ATG7: variants seen among roughly 807,000 people sequenced by gnomAD.
The protein encoded by ATG7 is ubiquitin-like modifier-activating enzyme ATG7.
In ATG7, 70 loss-of-function variants were observed where a neutral mutation model predicts 82.4. The observed-to-expected ratio is 0.85, with a 90% CI of 0.70 to 1.04. ATG7 has a LOEUF of 1.04. ATG7 is among the 50% of genes least tolerant of loss of function. ATG7 has a pLI of 0.00. For missense variants in ATG7, 792 were observed against 864.3 expected (o/e 0.92, Z 1.05); for synonymous variants, 287 against 313.0 (o/e 0.92, Z 0.88).
At chr3:11,312,510 A>C (rs1196007172) in intron 7 of ATG7, among the ~76,000 whole-genome samples, 2 of 152,174 alleles carry the variant, frequency 1.3e-5, no homozygotes, top group East Asian at 3.9e-4. Context: ...TCACCCATCC[A>C]GCTTACTACT....
At chr3:11,561,891 CTTTTTTTTTT>C (rs35380668), downstream of ATG7, among the ~76,000 whole-genome samples, 1 of 88,610 alleles carries the variant, frequency 1.1e-5, no homozygotes, top group South Asian at 5.0e-4. Flanking sequence ...CTGCGCCAAA[CTTTTTTTTTT>C]TTTTTTTTTT....
At chr3:11,502,725 T>C (rs1399188123) in intron 20 of ATG7, among the ~76,000 whole-genome samples, 1 of 152,156 alleles carries the variant, frequency 6.6e-6, no homozygotes, top group East Asian at 1.9e-4. Flanking sequence ...AAAGCCAGTA[T>C]TTCCCATAGA....
At chr3:11,571,671 A>T in the ATG7 span, among the ~76,000 whole-genome samples, 562 of 152,312 alleles carry the variant, frequency 3.7e-3, 5 homozygotes, top group Middle Eastern at 6.8e-3. Flanking sequence ...TGTCTCAGGA[A>T]ATAAAAATAA....
intron 20 of ATG7, 60 bp downstream of exon 20, chr3:11,426,986 C>G (rs531860609): frequency 1.0e-5 from 15 of 1,473,242 alleles, no homozygotes; most frequent in Non-Finnish European, 1.3e-5. Flanking sequence ...ATTTGATATT[C>G]GCCATATGGA....
chr3:11,337,027 G>A (rs560129329), intron 11 of ATG7, among the ~76,000 whole-genome samples: 1 of 152,318 alleles, frequency 6.6e-6, no homozygotes, highest in East Asian at 1.9e-4. Flanking sequence ...ATGGTGTGTT[G>A]TGTTACAGCT....
intron 1 of ATG7, among the ~76,000 whole-genome samples, chr3:11,278,639 A>G (rs1228505570): frequency 6.6e-6 from 1 of 152,256 alleles, no homozygotes; most frequent in Non-Finnish European, 1.5e-5. Context: ...CCTTTCTCAT[A>G]GAATTTTTAT....
intron 11 of ATG7, among the ~76,000 whole-genome samples, chr3:11,334,953 CAAAAAAAAAAAA>C (rs57211483): frequency 8.4e-6 from 1 of 119,622 alleles, no homozygotes; most frequent in Non-Finnish European, 1.7e-5. Context: ...GACTCTGTCT[CAAAAAAAAAAAA>C]AAAAAAAAAA....
downstream of ATG7, among the ~76,000 whole-genome samples, chr3:11,562,662 G>T (rs937854193): frequency 6.6e-6 from 1 of 152,250 alleles, no homozygotes; most frequent in East Asian, 1.9e-4. Context: ...CCACGCTGCC[G>T]CAGGAAGGAG....
intron 7 of ATG7, among the ~76,000 whole-genome samples, chr3:11,310,616 C>A (rs1054086267): frequency 1.2e-4 from 18 of 151,054 alleles, no homozygotes; most frequent in Non-Finnish European, 1.9e-4. Flanking sequence ...TCTGTCTATA[C>A]GTTTGGGTAA....
chr3:11,404,444 AT>A (rs1353995561), intron 19 of ATG7, among the ~76,000 whole-genome samples: 3 of 151,780 alleles, frequency 2.0e-5, no homozygotes, highest in African/African-American at 7.2e-5. Context: ...TCCAGCTCAA[AT>A]TTTTTTAACC....
intron 20 of ATG7, among the ~76,000 whole-genome samples, chr3:11,460,386 A>T (rs961261836): frequency 4.6e-5 from 7 of 152,120 alleles, no homozygotes; most frequent in Admixed American, 3.9e-4. Context: ...TGCCTAGAAG[A>T]CTGTGTTGAG....
chr3:11,321,746 C>T (rs1950253675), intron 9 of ATG7, among the ~76,000 whole-genome samples: 1 of 152,196 alleles, frequency 6.6e-6, no homozygotes, highest in African/African-American at 2.4e-5. Context: ...AGTAACAACA[C>T]CCCCTTCCTT....
intron 9 of ATG7, among the ~76,000 whole-genome samples, chr3:11,318,149 C>A (rs1306107887): frequency 6.6e-6 from 1 of 152,148 alleles, no homozygotes; most frequent in Non-Finnish European, 1.5e-5. Context: ...GAGGGATTCA[C>A]CAGAAACCTG....
At chr3:11,279,734 C>A (rs989581166) in intron 1 of ATG7, among the ~76,000 whole-genome samples, 2 of 152,014 alleles carry the variant, frequency 1.3e-5, no homozygotes, top group Non-Finnish European at 2.9e-5. Context: ...AACAAAAAAA[C>A]CCCACCTTGG....
intron 1 of ATG7, chr3:11,277,383 G>A (rs1462815286): frequency 1.3e-5 from 2 of 152,280 alleles, no homozygotes; most frequent in Non-Finnish European, 2.9e-5. Context: ...CTGCCATACA[G>A]AACTCTATCA....
intron 20 of ATG7, among the ~76,000 whole-genome samples, chr3:11,493,798 C>T (rs764522369): frequency 2.6e-5 from 4 of 152,156 alleles, no homozygotes; most frequent in Non-Finnish European, 5.9e-5. Context: ...CTTGCAAGCA[C>T]AATCTGGGGC....
intron 19 of ATG7, among the ~76,000 whole-genome samples, chr3:11,391,265 T>C (rs2078780893): frequency 1.3e-5 from 2 of 152,206 alleles, no homozygotes; most frequent in Non-Finnish European, 2.9e-5. Flanking sequence ...TTCTTTCCTT[T>C]TCCCTTTTCT....
intron 20 of ATG7, among the ~76,000 whole-genome samples, chr3:11,462,090 A>G (rs1248038125): frequency 2.6e-5 from 4 of 151,928 alleles, no homozygotes; most frequent in African/African-American, 9.7e-5. Context: ...AAATAACTCG[A>G]GGATATCTGG....
At position 11,303,921 on chromosome 3, in the gene ATG7, A is replaced by C. The variant is rs1190337048; in HGVS notation, c.216-3022A>C. On this transcript the variant is annotated intron_variant, in intron 5 of 20. Transcript: ENST00000693202. ...ACCCCGTCTCTACTAAAAATGCAAA[A>C]AAAAAAAAAAAAAAAAAAAATTAGC... is the stretch of plus-strand genomic sequence containing the variant. Among the ~76,000 whole-genome samples, 91 of 138,134 alleles carry C rather than the reference A, an allele frequency of 6.6e-4. 2 individuals are homozygous for C. Among genetic ancestry groups the C allele is most frequent in the Admixed American group, 1.8e-3 (26 of 14,338 alleles). 90.6% of individuals were successfully genotyped at this position (138,134 alleles called of 152,430 possible). A position where few individuals can be genotyped will look rare whatever the true frequency, so the allele number is the denominator to read the frequency against.
Sources: allele counts gnomAD v4.1 joint callset (sites outside exome capture counted in the v4.1 genomes callset), GRCh38; gene constraint gnomAD v4.1.1; transcripts MANE v1.5; gene names NCBI Gene and HGNC (gene_info 2026-07-23, HGNC 2026-07-21).